SCAPER: variants seen among roughly 807,000 people sequenced by gnomAD.
The protein encoded by SCAPER is S-phase cyclin A associated protein in the ER.
A neutral mutation model predicts 182.2 loss-of-function variants in SCAPER; 98 were observed. The observed-to-expected ratio is 0.54, with a 90% confidence interval of 0.46 to 0.64. The LOEUF is 0.64. SCAPER is among the 30% of genes least tolerant of loss of function. The pLI, the probability that SCAPER is intolerant of heterozygous loss-of-function variation, is 0.00. For missense variants in SCAPER, 1,432 were observed against 1,690.0 expected, an observed-to-expected ratio of 0.85 and a Z score of 2.68; for synonymous variants, 605 against 564.6, an observed-to-expected ratio of 1.07 and a Z score of -1.01.
intron 5 of SCAPER, among the ~76,000 whole-genome samples, chr15:76,807,964 A>C (rs981628275): frequency 6.6e-6 from 1 of 152,220 alleles, no homozygotes; most frequent in East Asian, 1.9e-4. Flanking sequence ...AACTTCACAA[A>C]TAGCGTCCCA....
At chr15:76,572,700 T>C (rs1009146685) in intron 23 of SCAPER, among the ~76,000 whole-genome samples, 1 of 152,106 alleles carries the variant, frequency 6.6e-6, no homozygotes, top group African/African-American at 2.4e-5. Flanking sequence ...ATACAAATTC[T>C]CCAGACCCAC....
At chr15:76,448,472 T>C (rs1353908671) in intron 25 of SCAPER, among the ~76,000 whole-genome samples, 2 of 152,046 alleles carry the variant, frequency 1.3e-5, no homozygotes, top group Non-Finnish European at 2.9e-5. Context: ...AGGGAGTATA[T>C]GCCCAGTTCT....
chr15:76,636,722 A>G (rs1370985909), intron 21 of SCAPER, among the ~76,000 whole-genome samples: 2 of 152,192 alleles, frequency 1.3e-5, no homozygotes, highest in African/African-American at 4.8e-5. Context: ...AAATGCCACA[A>G]AACTCTCCTA....
At chr15:76,531,492 T>C (rs1035461940) in intron 23 of SCAPER, among the ~76,000 whole-genome samples, 31 of 152,134 alleles carry the variant, frequency 2.0e-4, no homozygotes, top group African/African-American at 7.2e-4. Flanking sequence ...AGTTGGTACA[T>C]CCTAGTAATT....
At chr15:76,584,540 C>G (rs2048492729) in intron 22 of SCAPER, among the ~76,000 whole-genome samples, 1 of 152,142 alleles carries the variant, frequency 6.6e-6, no homozygotes, top group African/African-American at 2.4e-5. Flanking sequence ...TATACACCTA[C>G]TGTGTGCCCA....
chr15:76,763,743 T>G (rs145304941), intron 14 of SCAPER, among the ~76,000 whole-genome samples: 72 of 152,328 alleles, frequency 4.7e-4, no homozygotes, highest in African/African-American at 1.6e-3. Context: ...AGTCTGTTGC[T>G]GAAGCTCTCT....
At chr15:76,671,310 G>A (rs990117485) in intron 20 of SCAPER, among the ~76,000 whole-genome samples, 9 of 152,110 alleles carry the variant, frequency 5.9e-5, no homozygotes, top group African/African-American at 2.2e-4. Context: ...TCCAGTCTGG[G>A]CAACAGATTG....
chr15:76,385,768 A>G (rs2043249837), intron 27 of SCAPER, among the ~76,000 whole-genome samples: 1 of 152,164 alleles, frequency 6.6e-6, no homozygotes, highest in Admixed American at 6.5e-5. Context: ...GTGCTCTGGG[A>G]ACTCTGAGCA....
chr15:76,391,415 A>C (rs1264140042), intron 27 of SCAPER, among the ~76,000 whole-genome samples: 1 of 152,202 alleles, frequency 6.6e-6, no homozygotes, highest in Non-Finnish European at 1.5e-5. Flanking sequence ...CTTGTTCATC[A>C]ATCGATCCCC....
At chr15:76,811,069 A>T (rs2066570222) in intron 5 of SCAPER, among the ~76,000 whole-genome samples, 2 of 150,778 alleles carry the variant, frequency 1.3e-5, no homozygotes, top group Non-Finnish European at 3.0e-5. Flanking sequence ...ATTGACTGCA[A>T]TTCAATAATA....
At chr15:76,443,194 T>G (rs936191236) in intron 25 of SCAPER, among the ~76,000 whole-genome samples, 2 of 152,206 alleles carry the variant, frequency 1.3e-5, no homozygotes, top group African/African-American at 4.8e-5. Flanking sequence ...TAAGAGGTCT[T>G]CAAAATGTTT....
chr15:76,509,712 A>G (rs1482622842), intron 23 of SCAPER, among the ~76,000 whole-genome samples: 2 of 152,180 alleles, frequency 1.3e-5, no homozygotes, highest in African/African-American at 4.8e-5. Flanking sequence ...TCACAGAACT[A>G]GAAAAAACAA....
intron 1 of SCAPER, among the ~76,000 whole-genome samples, chr15:76,901,230 A>G (rs1166805991): frequency 2.0e-5 from 3 of 152,198 alleles, no homozygotes; most frequent in Non-Finnish European, 2.9e-5. Context: ...ACGCCGTCTC[A>G]AAAGAAAAAA....
intron 23 of SCAPER, among the ~76,000 whole-genome samples, chr15:76,519,975 T>C (rs12441247): frequency 0.4 from 60,403 of 152,006 alleles, 14,193 homozygotes; most frequent in Middle Eastern, 0.55. Context: ...CTGGGATCTT[T>C]GTAGTATCTT....
At chr15:76,636,931 T>A (rs1272625567) in intron 21 of SCAPER, among the ~76,000 whole-genome samples, 1 of 152,132 alleles carries the variant, frequency 6.6e-6, no homozygotes, top group Non-Finnish European at 1.5e-5. Flanking sequence ...CCATGAGAAA[T>A]CTTTATAATT....
In SCAPER at chr15:76,701,764, T is replaced by C; in HGVS notation, c.2502A>G (p.Glu834=). Residue 834 remains glutamate, a synonymous_variant, in exon 20 of 32, where the codon GAA becomes GAG. Transcript: ENST00000563290. The part of the protein sequence containing the change: ...TSIQGRELSD[E]EVEHLSLKKY... ...GAACAAAAATAAAGTTTACCACTTCTTCATCTGACAGTTCACGCCCCTGGA... is the reference window on the plus strand; with the variant it reads ...GAACAAAAATAAAGTTTACCACTTCCTCATCTGACAGTTCACGCCCCTGGA... The C allele has an allele frequency of 6.2e-7, 1 of 1,613,422 alleles. No homozygotes were observed. Among genetic ancestry groups the C allele is most frequent in the Non-Finnish European group, 8.5e-7 (1 of 1,179,468 alleles).
At chr15:76,804,875 G>C (rs1429691662) in intron 5 of SCAPER, among the ~76,000 whole-genome samples, 1 of 151,640 alleles carries the variant, frequency 6.6e-6, no homozygotes, top group Non-Finnish European at 1.5e-5. Flanking sequence ...TCCCCCAATA[G>C]CCATCCTTTC....
intron 20 of SCAPER, among the ~76,000 whole-genome samples, chr15:76,672,000 C>A (rs2057053432): frequency 6.6e-6 from 1 of 152,088 alleles, no homozygotes; most frequent in South Asian, 2.1e-4. Context: ...ATGGTCCTTG[C>A]ATTAAGAAGG....
chr15:76,475,242 T>C (rs892773649), intron 24 of SCAPER, among the ~76,000 whole-genome samples: 3 of 152,148 alleles, frequency 2.0e-5, no homozygotes, highest in African/African-American at 7.2e-5. Context: ...TTTACATTTA[T>C]TTTTTATCCC....
Sources: gnomAD v4.1 joint callset for allele counts (sites outside exome capture counted in the v4.1 genomes callset) on GRCh38, gnomAD v4.1.1 for gene constraint, MANE v1.5 for transcripts, NCBI Gene and HGNC (gene_info 2026-07-23, HGNC 2026-07-21) for gene names.